Variants in TGFA observed in about 807,000 individuals in gnomAD.
The protein encoded by TGFA is protransforming growth factor alpha.
Under a neutral mutation model 21.7 loss-of-function variants are expected in TGFA, and 12 were observed. That is an observed-to-expected ratio of 0.55 (90% confidence interval 0.35 to 0.90). The LOEUF is 0.90. Ranked by LOEUF, TGFA falls within the 40% of genes least tolerant of loss-of-function variation. The probability of loss-of-function intolerance (pLI) is 0.01; values close to 1 mark genes in which losing one functional copy is unlikely to be tolerated. For synonymous variants in TGFA, 79 were observed against 88.1 expected (o/e 0.90, Z 0.58); for missense variants, 178 against 210.8 (o/e 0.84, Z 0.96).
chr2:70,553,499 C>T (rs1574159965), intron 1 of TGFA: 3 of 1,390,326 alleles, frequency 2.2e-6, no homozygotes, highest in Non-Finnish European at 2.8e-6. Flanking sequence ...TTCTCACGCA[C>T]GGCCCAGGCA....
At chr2:70,487,014 G>A (rs559125795) in intron 2 of TGFA, among the ~76,000 whole-genome samples, 187 of 152,190 alleles carry the variant, frequency 1.2e-3, no homozygotes, top group Middle Eastern at 3.4e-3. Context: ...TGCCCGCCTC[G>A]GCCTCCCAAA....
chr2:70,548,640 G>T (rs1673390656), intron 1 of TGFA, among the ~76,000 whole-genome samples: 3 of 152,226 alleles, frequency 2.0e-5, no homozygotes, highest in Admixed American at 1.3e-4. Flanking sequence ...GCAGCTCCAT[G>T]TGAAACAAAT....
intron 1 of TGFA, among the ~76,000 whole-genome samples, chr2:70,545,435 C>T (rs532431755): frequency 2.6e-5 from 4 of 152,042 alleles, no homozygotes; most frequent in Admixed American, 6.6e-5. Context: ...TACAAAGAAC[C>T]GGTTTTAGTT....
chr2:70,473,653 T>G (rs1553493668), intron 2 of TGFA, among the ~76,000 whole-genome samples: 2 of 141,818 alleles, frequency 1.4e-5, no homozygotes, highest in African/African-American at 5.4e-5. Flanking sequence ...TACCAACTAA[T>G]GAGGGGAATT....
intron 1 of TGFA, among the ~76,000 whole-genome samples, chr2:70,552,450 G>A (rs11466195): frequency 1.2e-3 from 176 of 152,296 alleles, no homozygotes; most frequent in African/African-American, 4.1e-3. Context: ...TTAAATCAGA[G>A]CAACAGTCAA....
chr2:70,527,891 C>T (rs1254908272), intron 1 of TGFA, among the ~76,000 whole-genome samples: 3 of 152,232 alleles, frequency 2.0e-5, no homozygotes, highest in South Asian at 2.1e-4. Flanking sequence ...TCAAGTACAA[C>T]GTCCTTCTCC....
Position 70,456,460 on chromosome 2 carries a change from A to G in TGFA, c.244T>C (p.Cys82Arg). 1 of 1,608,326 alleles carries G rather than the reference A, an allele frequency of 6.2e-7. No homozygotes were observed. The highest frequency in any genetic ancestry group is 8.5e-7 in the Non-Finnish European group (1 of 1,177,596). Residue 82 changes from cysteine (C) to arginine (R), a missense_variant, in exon 4 of 6, where the codon TGT becomes CGT. Coordinates refer to ENST00000295400, the MANE Select transcript of TGFA (RefSeq NM_003236.4). ...ACGGCCAGGAGGTCCGCATGCTCAC[A>G]GCGTGCACCAACGTACCCAGAATGG... The part of the protein sequence containing the change: ...VCHSGYVGAR[C>R]EHADLLAVVA...
At chr2:70,474,969 C>CGTGTGTGTGTGTGTGTGTGTGTGT (rs57147767) in intron 2 of TGFA, among the ~76,000 whole-genome samples, 1 of 147,592 alleles carries the variant, frequency 6.8e-6, no homozygotes, top group Admixed American at 6.7e-5. Context: ...ACACAGCAGC[C>CGTGTGTGTGTGTGTGTGTGTGTGT]GTGTGTGTGT....
intron 1 of TGFA, among the ~76,000 whole-genome samples, chr2:70,519,836 G>A (rs188754811): frequency 9.8e-4 from 150 of 152,354 alleles, no homozygotes; most frequent in East Asian, 6.2e-3. Flanking sequence ...ATGGGCAGAT[G>A]GGTGCCTGCA....
At chr2:70,553,233 C>G in intron 1 of TGFA, 1 of 1,536,202 alleles carries the variant, frequency 6.5e-7, no homozygotes, top group East Asian at 2.4e-5. Context: ...CTCTGCCGAT[C>G]TTGAACATCT....
At chr2:70,548,631 C>A (rs999458691) in intron 1 of TGFA, among the ~76,000 whole-genome samples, 6 of 152,190 alleles carry the variant, frequency 3.9e-5, no homozygotes, top group African/African-American at 1.4e-4. Context: ...ATTAGGGGAG[C>A]AGCTCCATGT....
rs188402268 is a variant in TGFA, at chr2:70,486,107, C to A, written c.95-20371G>T. 3.3e-5 allele frequency among the ~76,000 whole-genome samples: 5 copies of A among 152,318 alleles called. No individual in the cohort carries two copies. In the East Asian group the frequency reaches 9.7e-4, roughly 29 times the overall value. ...TCAGGAAGTCATTGCTTTCTACTGC[C>A]CACTGGAGTGGACTTTTCCCTCACC... On this transcript the variant is annotated intron_variant, in intron 2 of 5. Coordinates refer to ENST00000295400, the MANE Select transcript of TGFA (RefSeq NM_003236.4).
intron 2 of TGFA, among the ~76,000 whole-genome samples, chr2:70,476,109 T>TAAAAAAAAAAAAAAAAAAAAA (rs1670926055): frequency 1.3e-5 from 1 of 78,502 alleles, no homozygotes; most frequent in Admixed American, 1.3e-4. Context: ...AAAAAAAAAT[T>TAAAAAAAAAAAAAAAAAAAAA]AAGAAAATTA....
At chr2:70,501,730 A>C (rs1671744756) in intron 2 of TGFA, among the ~76,000 whole-genome samples, 2 of 152,202 alleles carry the variant, frequency 1.3e-5, no homozygotes, top group Admixed American at 1.3e-4. Context: ...TTCCATCTTT[A>C]TACATTTCTA....
rs1574144304 is a variant in TGFA at position 70,537,576 on chromosome 2, T to A, written c.40+16152A>T. ...GAGCACAATAGCCTTATGGTTGTTA[T>A]GGAGAAAGTTTCAGTGGTCTGGAAA... On this transcript the variant is annotated intron_variant, in intron 1 of 5. Coordinates refer to ENST00000295400, the MANE Select transcript of TGFA (RefSeq NM_003236.4). Among the ~76,000 whole-genome samples, 3 of 152,358 alleles carry A rather than the reference T, an allele frequency of 2.0e-5. 1 individual carries two copies. In the South Asian group the frequency reaches 6.2e-4, roughly 32 times the overall value.
chr2:70,487,780 T>C (rs1671310295), intron 2 of TGFA, among the ~76,000 whole-genome samples: 1 of 152,248 alleles, frequency 6.6e-6, no homozygotes, highest in Non-Finnish European at 1.5e-5. Context: ...TGAAACATTA[T>C]ATGAAACCGA....
At chr2:70,453,895 A>C (rs1670137504) in intron 4 of TGFA, among the ~76,000 whole-genome samples, 1 of 152,154 alleles carries the variant, frequency 6.6e-6, no homozygotes, top group South Asian at 2.1e-4. Flanking sequence ...TAGTTTTGGA[A>C]CATCTACCCT....
rs939536680 is a variant in TGFA at position 70,450,160 on chromosome 2, T to A, written c.*699A>T. On this transcript the variant is annotated 3_prime_UTR_variant, in exon 6 of 6. Coordinates refer to ENST00000295400, the MANE Select transcript of TGFA (RefSeq NM_003236.4). Reference sequence around the variant, plus strand: ...GTATAGCTTTTCAGTCAGCAACACATACATCATTAATGTAGAAGTCTGAAG... The same window carrying A: ...GTATAGCTTTTCAGTCAGCAACACAAACATCATTAATGTAGAAGTCTGAAG... 4 of 152,262 alleles carry A rather than the reference T, an allele frequency of 2.6e-5. No homozygotes were observed. 9.4% of individuals were successfully genotyped at this position (152,262 alleles called of 1,614,324 possible).
At chr2:70,452,345 C>T (rs1207624757) in intron 5 of TGFA, among the ~76,000 whole-genome samples, 1 of 152,222 alleles carries the variant, frequency 6.6e-6, no homozygotes, top group Admixed American at 6.5e-5. Context: ...CACAGAGCCA[C>T]TGATGCTCCG....
Sources: gnomAD v4.1 joint callset for allele counts (sites outside exome capture counted in the v4.1 genomes callset) on GRCh38, gnomAD v4.1.1 for gene constraint, MANE v1.5 for transcripts, NCBI Gene and HGNC (gene_info 2026-07-23, HGNC 2026-07-21) for gene names.